The following CDH13 variants were observed in gnomAD, a reference collection of about 807,000 sequenced individuals.
The protein encoded by CDH13 is cadherin-13.
CDH13 carries 24 observed loss-of-function variants against 63.8 expected under a neutral mutation model. The observed-to-expected ratio is 0.38, with a 90% confidence interval of 0.27 to 0.53. The LOEUF (loss-of-function observed/expected upper bound fraction) is 0.53, where lower values mean the gene tolerates loss of function less well. Ranked by LOEUF, CDH13 falls within the 20% of genes least tolerant of loss-of-function variation. The pLI is 0.85. For synonymous variants in CDH13, 503 were observed against 355.3 expected (o/e 1.42, Z -4.67); for missense variants, 1,049 against 903.1 (o/e 1.16, Z -2.07).
At chr16:83,016,965 A>C (rs932525138) in intron 2 of CDH13, among the ~76,000 whole-genome samples, 1 of 152,014 alleles carries the variant, frequency 6.6e-6, no homozygotes. Context: ...CGATCTTGGG[A>C]TGTGTGATGA....
chr16:82,803,640 T>G (rs2036986297), intron 1 of CDH13, among the ~76,000 whole-genome samples: 1 of 152,288 alleles, frequency 6.6e-6, no homozygotes, highest in Admixed American at 6.5e-5. Context: ...TATCATTCAG[T>G]CATACAAAAG....
At chr16:83,276,850 A>G (rs539461384) in intron 5 of CDH13, among the ~76,000 whole-genome samples, 1 of 152,314 alleles carries the variant, frequency 6.6e-6, no homozygotes, top group South Asian at 2.1e-4. Context: ...AGCCTGGGTG[A>G]CAGAGTGAGA....
At chr16:83,255,474 C>A (rs558253417) in intron 5 of CDH13, among the ~76,000 whole-genome samples, 1 of 152,322 alleles carries the variant, frequency 6.6e-6, no homozygotes, top group African/African-American at 2.4e-5. Flanking sequence ...TGATTTGGCA[C>A]TTACTCCACA....
At chr16:83,658,260 C>G (rs1913073021) in intron 8 of CDH13, among the ~76,000 whole-genome samples, 1 of 137,154 alleles carries the variant, frequency 7.3e-6, no homozygotes, top group African/African-American at 2.7e-5. Flanking sequence ...GTCCTCACCA[C>G]CAGGTCCCGT....
At chr16:83,372,505 G>A (rs980463613) in intron 6 of CDH13, among the ~76,000 whole-genome samples, 1 of 152,006 alleles carries the variant, frequency 6.6e-6, no homozygotes, top group African/African-American at 2.4e-5. Context: ...TGTTATCCTA[G>A]CACTTTGGGA....
chr16:83,032,297 AATTT>A, intron 3 of CDH13, 79 bp downstream of exon 3: 1 of 1,078,186 alleles, frequency 9.3e-7, no homozygotes, highest in South Asian at 1.6e-5. Flanking sequence ...ATGGGTCTTT[AATTT>A]ATTATGTTGG....
At chr16:83,292,701 AAAC>A (rs2089493622) in intron 5 of CDH13, among the ~76,000 whole-genome samples, 2 of 152,168 alleles carry the variant, frequency 1.3e-5, no homozygotes, top group Admixed American at 6.5e-5. Flanking sequence ...ATCTCATTAA[AAAC>A]AACAACCATG....
At chr16:83,232,906 T>C (rs1032376149) in intron 5 of CDH13, among the ~76,000 whole-genome samples, 22 of 152,180 alleles carry the variant, frequency 1.4e-4, no homozygotes, top group Non-Finnish European at 3.1e-4. Flanking sequence ...AGCTTATAAG[T>C]TTCCCCTTTT....
chr16:82,811,113 A>G (rs552834075), intron 1 of CDH13, among the ~76,000 whole-genome samples: 9 of 152,278 alleles, frequency 5.9e-5, no homozygotes, highest in African/African-American at 2.2e-4. Context: ...AGAATTTGTC[A>G]TAGATTAATA....
intron 3 of CDH13, among the ~76,000 whole-genome samples, chr16:83,080,697 A>C (rs1385428805): frequency 6.6e-6 from 1 of 152,046 alleles, no homozygotes; most frequent in Non-Finnish European, 1.5e-5. Context: ...TCTTGATCAG[A>C]AACAAGTATA....
intron 6 of CDH13, among the ~76,000 whole-genome samples, chr16:83,367,568 C>A (rs2091282096): frequency 6.6e-6 from 1 of 152,186 alleles, no homozygotes; most frequent in South Asian, 2.1e-4. Context: ...GAGAAACTGG[C>A]AGACTGTGTT....
chr16:83,047,139 T>C lies in CDH13; in HGVS notation c.366+14921T>C, dbSNP rs1286474762. ...GAAGATATAAAGCTTTAAACAGTAG[T>C]AGTTCTCCGTGAGACCCAAGGAAAG... On this transcript the variant is annotated intron_variant, in intron 3 of 13. Transcript: ENST00000567109. This position sits in a 1 kb window ranked among gnomAD's most constrained non-coding sequence, Gnocchi z 4.9. Among the ~76,000 whole-genome samples, 1 of 152,228 alleles carries C rather than the reference T, an allele frequency of 6.6e-6. No homozygotes were observed. Among genetic ancestry groups the C allele is most frequent in the Non-Finnish European group, 1.5e-5 (1 of 68,038 alleles).
intron 6 of CDH13, among the ~76,000 whole-genome samples, chr16:83,379,938 T>TATATATATATATATATAG: frequency 8.1e-6 from 1 of 123,446 alleles, no homozygotes; most frequent in African/African-American, 3.3e-5. Context: ...TATATATATA[T>TATATATATATATATATAG]AGAGAGAGAG....
intron 5 of CDH13, among the ~76,000 whole-genome samples, chr16:83,244,513 T>G (rs1389437863): frequency 1.3e-5 from 2 of 152,202 alleles, no homozygotes; most frequent in East Asian, 3.9e-4. Context: ...GTGCCACTGA[T>G]CAGTGTTTCT....
At chr16:82,639,408 C>T in intron 1 of CDH13, 1 of 1,535,608 alleles carries the variant, frequency 6.5e-7, no homozygotes, top group Non-Finnish European at 8.7e-7. Context: ...AAGAACATCC[C>T]AGTGAGAATG....
At chr16:82,652,740 A>C (rs1460669153) in intron 1 of CDH13, among the ~76,000 whole-genome samples, 1 of 148,006 alleles carries the variant, frequency 6.8e-6, no homozygotes, top group Admixed American at 6.7e-5. Flanking sequence ...AAAACCAATG[A>C]CCTTTAAAGC....
chr16:83,241,721 T>G (rs1904469570), intron 5 of CDH13, among the ~76,000 whole-genome samples: 1 of 152,162 alleles, frequency 6.6e-6, no homozygotes, highest in Admixed American at 6.5e-5. Flanking sequence ...TTCTTTATAT[T>G]TTTCTGGATT....
intron 2 of CDH13, among the ~76,000 whole-genome samples, chr16:82,944,812 T>C (rs1030904328): frequency 1.3e-5 from 2 of 152,154 alleles, no homozygotes; most frequent in Non-Finnish European, 2.9e-5. Context: ...GACTGATACA[T>C]TTGTACCTAT....
At chr16:83,302,364 A>G (rs918552665) in intron 5 of CDH13, among the ~76,000 whole-genome samples, 6 of 152,216 alleles carry the variant, frequency 3.9e-5, no homozygotes, top group Admixed American at 2.0e-4. Flanking sequence ...AATCATGGAA[A>G]ATATGTAGAA....
Sources: allele counts gnomAD v4.1 joint callset (sites outside exome capture counted in the v4.1 genomes callset), GRCh38; gene constraint gnomAD v4.1.1; non-coding constraint Gnocchi (gnomAD v3.1); transcripts MANE v1.5; gene names NCBI Gene and HGNC (gene_info 2026-07-23, HGNC 2026-07-21).